Variants in IFNAR2 observed in about 807,000 individuals in gnomAD.
The protein encoded by IFNAR2 is interferon alpha/beta receptor 2.
A neutral mutation model predicts 49.4 loss-of-function variants in IFNAR2; 30 were observed. The ratio of observed to expected loss-of-function variants is 0.61; its 90% CI spans 0.45 to 0.82. IFNAR2 has a LOEUF of 0.82. Among genes scored for constraint, IFNAR2 ranks in the 40% least tolerant of loss-of-function variants. The pLI is 0.00. For synonymous variants in IFNAR2, 224 were observed against 234.5 expected (o/e 0.96, Z 0.41); for missense variants, 600 against 622.7 (o/e 0.96, Z 0.39).
chr21:33,233,386 G>A (rs17860131), intron 1 of IFNAR2, among the ~76,000 whole-genome samples: 199 of 152,206 alleles, frequency 1.3e-3, no homozygotes, highest in African/African-American at 4.5e-3. Flanking sequence ...ATAAAAATAA[G>A]TCCAAAGAAA....
In IFNAR2 at chr21:33,246,733, G is replaced by C. The variant is rs1010900276; in HGVS notation, c.237G>C (p.Leu79Phe). The part of the protein sequence containing the change: ...LYTIMSKPED[L>F]KVVKNCANTT... The stretch of plus-strand genomic sequence containing the variant: ...CTTTCCAAAGTAAACCAGAAGATTT[G>C]AAGGTGGTTAAGAACTGTGCAAATA... The change falls in exon 5 of 9, where the codon TTG (leucine) becomes TTC (phenylalanine). Residue 79 changes from leucine to phenylalanine, a missense_variant. Transcript: ENST00000342136. 1 of 1,608,844 alleles carries C rather than the reference G, an allele frequency of 6.2e-7. No homozygotes were observed. Among genetic ancestry groups the C allele is most frequent in the Non-Finnish European group, 8.5e-7 (1 of 1,178,416 alleles).
intron 1 of IFNAR2, 98 bp from the exon 2 acceptor site, chr21:33,241,742 C>T (rs958774881): frequency 5.4e-5 from 44 of 814,590 alleles, no homozygotes; most frequent in Admixed American, 7.4e-5. Context: ...AAGCTGAGAC[C>T]AGGCTCACTT....
chr21:33,230,435 G>C lies in IFNAR2; in HGVS notation c.-84+219G>C. 1 of 468,554 alleles carries C rather than the reference G, an allele frequency of 2.1e-6. No homozygotes were observed. The highest frequency in any genetic ancestry group is 3.3e-4 in the Middle Eastern group (1 of 3,012). 29.0% of individuals were successfully genotyped at this position (468,554 alleles called of 1,614,324 possible). A position where few individuals can be genotyped will look rare whatever the true frequency, so the allele number is the denominator to read the frequency against. The stretch of plus-strand genomic sequence containing the variant: ...CACCTGCGACCCCAGGACCCCTCCC[G>C]GGCCCTGTCCTGCGCCCTCCACGCG... On this transcript the variant is annotated intron_variant, in intron 1 of 8. Coordinates refer to ENST00000342136, the MANE Select transcript of IFNAR2 (RefSeq NM_001289125.3). This position sits in a 1 kb window ranked among gnomAD's most constrained non-coding sequence, Gnocchi z 5.5.
In IFNAR2 at chr21:33,262,808, T is replaced by G; in HGVS notation, c.856T>G (p.Leu286Val). ...TTTTTTTAAGAATTTTCATAACTTT[T>G]TAGCCTGGCCATTTCCTAACCTGCC... ...LPKVLNFHNF[L>V]AWPFPNLPPL... The change falls in exon 9 of 9, where the codon TTA (leucine) becomes GTA (valine). Residue 286 changes from leucine to valine, a missense_variant. By Grantham distance (32) the Leu-to-Val change is conservative. Transcript: ENST00000342136. The G allele has an allele frequency of 6.3e-7, 1 of 1,597,726 alleles. No homozygotes were observed. Among genetic ancestry groups the G allele is most frequent in the Non-Finnish European group, 8.5e-7 (1 of 1,174,188 alleles).
Position 33,235,694 on chromosome 21 carries a change from A to G in IFNAR2, c.-84+5478A>G, listed in dbSNP as rs576024056. 1.1e-4 allele frequency among the ~76,000 whole-genome samples: 16 copies of G among 152,320 alleles called. No individual in the cohort carries two copies. The South Asian group carries it at 2.9e-3, about 28-fold the overall frequency. On this transcript the variant is annotated intron_variant, in intron 1 of 8. Transcript: ENST00000342136. Reference sequence around the variant, plus strand: ...GTAATCCCAGCACTTTGGGAGGCCAAGTCAGGTGGATCATGAGGTCAGGAG... The same window carrying G: ...GTAATCCCAGCACTTTGGGAGGCCAGGTCAGGTGGATCATGAGGTCAGGAG...
Position 33,243,709 on chromosome 21 carries a change from C to G in IFNAR2, c.92C>G (p.Ser31Trp), listed in dbSNP as rs767168940. Residue 31 changes from serine (S) to tryptophan (W), a missense_variant, in exon 3 of 9, where the codon TCG becomes TGG. Physicochemically the swap from Ser to Trp is radical, Grantham distance 177. Transcript: ENST00000342136. ...CTCGTGTTTGGTATTTCATATGATT[C>G]GCCTGGTAAGAGATGTTTTTTGGCT... ...ISLVFGISYD[S>W]PDYTDESCTF... The G allele has an allele frequency of 1.9e-6, 3 of 1,611,946 alleles. No homozygotes were observed. The Admixed American group carries it at 5.0e-5, about 27-fold the overall frequency.
rs780213412 is a variant in IFNAR2, at chr21:33,246,724, A to C, written c.228A>C (p.Pro76=). The change falls in exon 5 of 9, where the codon CCA becomes CCC. Residue 76 remains proline (P), a synonymous_variant. Coordinates refer to ENST00000342136, the MANE Select transcript of IFNAR2 (RefSeq NM_001289125.3). The stretch of plus-strand genomic sequence containing the variant: ...CATTTTTTTCTTTCCAAAGTAAACC[A>C]GAAGATTTGAAGGTGGTTAAGAACT... ...YTLLYTIMSK[P]EDLKVVKNCA... 1 of 1,607,538 alleles carries C rather than the reference A, an allele frequency of 6.2e-7. No homozygotes were observed. Among genetic ancestry groups the C allele is most frequent in the South Asian group, 1.1e-5 (1 of 89,420 alleles).
At position 33,263,124 on chromosome 21, in the gene IFNAR2, T is replaced by G; in HGVS notation, c.1172T>G (p.Leu391Trp). Residue 391 changes from leucine (L) to tryptophan (W), a missense_variant, in exon 9 of 9, where the codon TTG becomes TGG. By Grantham distance (61) the Leu-to-Trp change is moderately conservative (BLOSUM62 -2). Transcript: ENST00000342136. ...PKDSPQQLEL[L>W]SGPCERRKSP... Reference sequence around the variant, plus strand: ...GACAGCCCTCAGCAGTTGGAACTCTTGAGTGGGCCCTGTGAGAGGAGAAAG... The same window carrying G: ...GACAGCCCTCAGCAGTTGGAACTCTGGAGTGGGCCCTGTGAGAGGAGAAAG... The G allele has an allele frequency of 1.2e-6, 2 of 1,614,154 alleles. No individual in the cohort carries two copies. The highest frequency in any genetic ancestry group is 1.6e-4 in the Middle Eastern group (1 of 6,062).
At position 33,263,192 on chromosome 21, in the gene IFNAR2, A is replaced by T. The variant is rs56050449; in HGVS notation, c.1240A>T (p.Thr414Ser). ...TTTTCCCGAAGAGGACTACAGCTCCACGGAGGGGTCTGGGGGCAGAATTAC... is the reference window on the plus strand; with the variant it reads ...TTTTCCCGAAGAGGACTACAGCTCCTCGGAGGGGTCTGGGGGCAGAATTAC... ...DPFPEEDYSS[T>S]EGSGGRITFN... The change falls in exon 9 of 9, where the codon ACG becomes TCG. Residue 414 changes from threonine to serine, a missense_variant. Coordinates refer to ENST00000342136, the MANE Select transcript of IFNAR2 (RefSeq NM_001289125.3). 8.4e-5 allele frequency: 136 copies of T among 1,614,222 alleles called. No homozygotes were observed. The East Asian group carries it at 9.8e-4, about 12-fold the overall frequency.
intron 7 of IFNAR2, among the ~76,000 whole-genome samples, chr21:33,256,204 CCTA>C (rs1988197697): frequency 6.6e-6 from 1 of 152,190 alleles, no homozygotes; most frequent in South Asian, 2.1e-4. Flanking sequence ...TTCCATTTCA[CCTA>C]CTAAGATGTT....
At chr21:33,234,731 G>C (rs1443000438) in intron 1 of IFNAR2, 1 of 984,952 alleles carries the variant, frequency 1.0e-6, no homozygotes, top group African/African-American at 1.7e-5. Flanking sequence ...GAAGGCCACA[G>C]TGTCACAGGG....
At chr21:33,258,540 G>A (rs1601815999) in intron 7 of IFNAR2, among the ~76,000 whole-genome samples, 1 of 152,124 alleles carries the variant, frequency 6.6e-6, no homozygotes, top group Non-Finnish European at 1.5e-5. Flanking sequence ...CTGATCTCCA[G>A]AACTATTAAT....
chr21:33,234,474 A>G (rs892057141), intron 1 of IFNAR2, among the ~76,000 whole-genome samples: 1 of 152,322 alleles, frequency 6.6e-6, no homozygotes, highest in South Asian at 2.1e-4. Context: ...AATCCACTTC[A>G]TTCATTATTC....
At chr21:33,240,764 A>G (rs949506694) in intron 1 of IFNAR2, among the ~76,000 whole-genome samples, 2 of 74,830 alleles carry the variant, frequency 2.7e-5, no homozygotes, top group African/African-American at 9.9e-5. Flanking sequence ...GCAGTGAGCC[A>G]TGATTGCACC....
intron 1 of IFNAR2, among the ~76,000 whole-genome samples, chr21:33,231,358 A>C (rs538045474): frequency 2.4e-4 from 36 of 152,242 alleles, no homozygotes; most frequent in Non-Finnish European, 5.0e-4. Flanking sequence ...TGTAAGTTCT[A>C]TTGTTCATAA....
chr21:33,265,433 G>A lies in IFNAR2; in HGVS notation c.*1933G>A, dbSNP rs925513793. ...GCTCATAAGGATGAGGCTGTGAGGA[G>A]GGAACACCTTATTTAATCTAATGAA... On this transcript the variant is annotated 3_prime_UTR_variant, in exon 9 of 9. Coordinates refer to ENST00000342136, the MANE Select transcript of IFNAR2 (RefSeq NM_001289125.3). The A allele has an allele frequency of 1.3e-5, 2 of 153,926 alleles. No individual in the cohort carries two copies. Among genetic ancestry groups the A allele is most frequent in the African/African-American group, 4.8e-5 (2 of 41,454 alleles). 9.5% of individuals were successfully genotyped at this position (153,926 alleles called of 1,614,324 possible).
At position 33,242,751 on chromosome 21, in the gene IFNAR2, T is replaced by C. The variant is rs1335341088; in HGVS notation, c.55+774T>C. On this transcript the variant is annotated intron_variant, in intron 2 of 8. Transcript: ENST00000342136. ...CTCAAAAAAAAAAAAAAAAAAAATC[T>C]CGTGTGCGTGTGTGTGTGTGTGTGT... Among the ~76,000 whole-genome samples the C allele has an allele frequency of 8.1e-4, 9 of 11,150 alleles. 2 individuals are homozygous for C. Among genetic ancestry groups the C allele is most frequent in the African/African-American group, 2.7e-3 (3 of 1,120 alleles). 7.3% of individuals were successfully genotyped at this position (11,150 alleles called of 152,430 possible). A position where few individuals can be genotyped will look rare whatever the true frequency, so the allele number is the denominator to read the frequency against.
chr21:33,242,728 CAAAAAA>C lies in IFNAR2; in HGVS notation c.55+766_55+771del, dbSNP rs1182507309. Among the ~76,000 whole-genome samples the C allele has an allele frequency of 3.7e-4, 18 of 48,584 alleles. 4 individuals are homozygous for C. Among genetic ancestry groups the C allele is most frequent in the African/African-American group, 1.0e-3 (11 of 11,034 alleles). The allele number at this position is 48,584 out of a possible 152,430, so 31.9% of individuals were successfully genotyped here. On this transcript the variant is annotated intron_variant, in intron 2 of 8. Transcript: ENST00000342136. ...AGCCTGACAGAGCAAGACTCTGTCT[CAAAAAA>C]AAAAAAAAAAAAAATCTCGTGTGCG...
intron 1 of IFNAR2, among the ~76,000 whole-genome samples, chr21:33,237,082 T>G (rs17860150): frequency 1.7e-3 from 75 of 45,420 alleles, no homozygotes; most frequent in East Asian, 8.0e-3. Flanking sequence ...GAATGGGGTG[T>G]GTGTGTGTGT....
Sources: allele counts gnomAD v4.1 joint callset (sites outside exome capture counted in the v4.1 genomes callset), GRCh38; gene constraint gnomAD v4.1.1; non-coding constraint Gnocchi (gnomAD v3.1); transcripts MANE v1.5; gene names NCBI Gene and HGNC (gene_info 2026-07-23, HGNC 2026-07-21).